FBXW11: variants seen among roughly 807,000 people sequenced by gnomAD.
FBXW11 encodes the protein F-box and WD repeat domain containing 11.
FBXW11 carries 19 observed loss-of-function variants against 77.6 expected under a neutral mutation model. The ratio of observed to expected loss-of-function variants is 0.24; its 90% CI spans 0.17 to 0.36. The LOEUF is 0.36. FBXW11 is among the 10% of genes least tolerant of loss of function. The pLI, the probability that FBXW11 is intolerant of heterozygous loss-of-function variation, is 1.00. For missense variants in FBXW11, 334 were observed against 704.2 expected (o/e 0.47, Z 5.95); for synonymous variants, 235 against 249.4 (o/e 0.94, Z 0.54).
intron 1 of FBXW11, among the ~76,000 whole-genome samples, chr5:171,958,864 G>T (rs1372990570): frequency 6.6e-6 from 1 of 152,120 alleles, no homozygotes. Flanking sequence ...AAACTTGTTT[G>T]TTCTAGCTAT....
intron 9 of FBXW11, among the ~76,000 whole-genome samples, chr5:171,875,194 G>A (rs934647343): frequency 6.6e-6 from 1 of 151,322 alleles, no homozygotes; most frequent in East Asian, 1.9e-4. Flanking sequence ...AGGACTGCTT[G>A]AGCACAGGAG....
At chr5:171,880,869 T>C (rs1758454140) in intron 7 of FBXW11, among the ~76,000 whole-genome samples, 1 of 152,176 alleles carries the variant, frequency 6.6e-6, no homozygotes, top group African/African-American at 2.4e-5. Flanking sequence ...CTAATTTTTG[T>C]ATTTTTAGTG....
intron 6 of FBXW11, among the ~76,000 whole-genome samples, chr5:171,894,263 C>T (rs1317075710): frequency 6.6e-6 from 1 of 152,214 alleles, no homozygotes; most frequent in African/African-American, 2.4e-5. Context: ...AACAGGACCT[C>T]TCAAAAGCTC....
At chr5:171,985,030 C>T (rs913663678) in intron 1 of FBXW11, among the ~76,000 whole-genome samples, 13 of 152,200 alleles carry the variant, frequency 8.5e-5, no homozygotes, top group African/African-American at 3.1e-4. Context: ...GTCTGATTTA[C>T]ATTCATATCA....
intron 1 of FBXW11, among the ~76,000 whole-genome samples, chr5:171,987,465 T>G (rs534494405): frequency 2.8e-4 from 43 of 152,236 alleles, no homozygotes; most frequent in Middle Eastern, 3.4e-3. Context: ...TTGTTTGTTT[T>G]TTTGAGGCGG....
chr5:171,975,632 C>A (rs1436182199), intron 1 of FBXW11, among the ~76,000 whole-genome samples: 4 of 152,212 alleles, frequency 2.6e-5, no homozygotes, highest in African/African-American at 9.7e-5. Flanking sequence ...ACCTCCAGTT[C>A]CTACTTCTTC....
chr5:171,946,961 C>T (rs1033895541), intron 2 of FBXW11, among the ~76,000 whole-genome samples: 9 of 151,858 alleles, frequency 5.9e-5, no homozygotes, highest in African/African-American at 1.9e-4. Context: ...ATTGCAGGTG[C>T]CTGCCACCAC....
intron 2 of FBXW11, among the ~76,000 whole-genome samples, chr5:171,954,107 G>A (rs1561718025): frequency 6.6e-6 from 1 of 152,178 alleles, no homozygotes; most frequent in East Asian, 1.9e-4. Context: ...GGCTGCAAAT[G>A]ACATTCCCAA....
chr5:171,962,818 G>A (rs1763979226), intron 1 of FBXW11, among the ~76,000 whole-genome samples: 1 of 152,140 alleles, frequency 6.6e-6, no homozygotes, highest in Non-Finnish European at 1.5e-5. Flanking sequence ...AGATGGGATT[G>A]TTTTGAATCT....
In FBXW11 at chr5:171,865,299, G is replaced by C. The variant is rs371062671; in HGVS notation, c.*26-1198C>G. On this transcript the variant is annotated intron_variant, in intron 13 of 13. Transcript: ENST00000517395. ...AAGTATAATTAAAAAAAAAAAAAAA[G>C]TCTTCAAACGTGATACCTTTTAACC... Among the ~76,000 whole-genome samples the C allele has an allele frequency of 3.3e-4, 49 of 149,048 alleles. No homozygotes were observed. The South Asian group carries it at 0.01, about 32-fold the overall frequency.
chr5:171,939,540 T>C (rs1459650806), intron 2 of FBXW11, among the ~76,000 whole-genome samples: 1 of 150,076 alleles, frequency 6.7e-6, no homozygotes, highest in Admixed American at 6.6e-5. Context: ...CTAAGAAAAA[T>C]GACAAAAATT....
chr5:171,980,580 C>G (rs1397671657), intron 1 of FBXW11, among the ~76,000 whole-genome samples: 1 of 152,098 alleles, frequency 6.6e-6, no homozygotes, highest in African/African-American at 2.4e-5. Flanking sequence ...AAAGGATATT[C>G]AAGTGGGCAA....
chr5:171,951,390 T>C (rs1763304818), intron 2 of FBXW11, among the ~76,000 whole-genome samples: 1 of 151,850 alleles, frequency 6.6e-6, no homozygotes, highest in African/African-American at 2.4e-5. Context: ...TGAAAAATTA[T>C]CTGGGCGTGG....
intron 7 of FBXW11, among the ~76,000 whole-genome samples, chr5:171,880,842 C>T (rs1758451217): frequency 1.3e-5 from 2 of 152,044 alleles, no homozygotes; most frequent in South Asian, 4.2e-4. Context: ...ACTATAGGCG[C>T]CCACCACCAC....
At chr5:171,933,410 T>C (rs1462878228) in intron 2 of FBXW11, among the ~76,000 whole-genome samples, 1 of 152,200 alleles carries the variant, frequency 6.6e-6, no homozygotes, top group Non-Finnish European at 1.5e-5. Context: ...TTCTGTATGA[T>C]ACTGCAATGA....
intron 11 of FBXW11, 75 bp downstream of exon 11, chr5:171,870,673 G>A: frequency 9.0e-7 from 1 of 1,109,442 alleles, no homozygotes; most frequent in Non-Finnish European, 1.4e-6. Flanking sequence ...TACATACAGA[G>A]TTGCTTAATA....
At chr5:171,915,490 C>A (rs1458944250) in intron 2 of FBXW11, among the ~76,000 whole-genome samples, 1 of 152,154 alleles carries the variant, frequency 6.6e-6, no homozygotes, top group East Asian at 1.9e-4. Context: ...AGAATCACCA[C>A]TGAACACTAG....
chr5:171,988,489 G>A (rs1324439840), intron 1 of FBXW11, among the ~76,000 whole-genome samples: 1 of 152,108 alleles, frequency 6.6e-6, no homozygotes, highest in African/African-American at 2.4e-5. Flanking sequence ...AAAAGTCCAG[G>A]AGAGTATGGT....
At chr5:171,950,259 C>T (rs1763235975) in intron 2 of FBXW11, among the ~76,000 whole-genome samples, 1 of 152,050 alleles carries the variant, frequency 6.6e-6, no homozygotes, top group East Asian at 1.9e-4. Context: ...TATGGCAATG[C>T]TTGGAATATA....
Sources: gnomAD v4.1 joint callset for allele counts (sites outside exome capture counted in the v4.1 genomes callset) on GRCh38, gnomAD v4.1.1 for gene constraint, MANE v1.5 for transcripts, NCBI Gene and HGNC (gene_info 2026-07-23, HGNC 2026-07-21) for gene names.